The following EFNA5 variants were observed in gnomAD, a reference collection of about 807,000 sequenced individuals.
EFNA5 encodes ephrin-A5.
Under a neutral mutation model 22.9 loss-of-function variants are expected in EFNA5, and 5 were observed. The ratio of observed to expected loss-of-function variants is 0.22; its 90% CI spans 0.11 to 0.46. The LOEUF is 0.46. EFNA5 is among the 20% of genes least tolerant of loss of function. The probability of loss-of-function intolerance (pLI) is 0.99; values close to 1 mark genes in which losing one functional copy is unlikely to be tolerated. For missense variants in EFNA5, 237 were observed against 293.3 expected (o/e 0.81, Z 1.40); for synonymous variants, 113 against 112.2 (o/e 1.01, Z -0.04).
intron 1 of EFNA5, among the ~76,000 whole-genome samples, chr5:107,620,369 G>T (rs1025213989): frequency 1.3e-5 from 2 of 152,138 alleles, no homozygotes; most frequent in African/African-American, 4.8e-5. Context: ...AACTGATTGT[G>T]CATTTACATA....
intron 1 of EFNA5, among the ~76,000 whole-genome samples, chr5:107,661,523 G>A (rs1379909178): frequency 6.6e-6 from 1 of 152,210 alleles, no homozygotes; most frequent in Non-Finnish European, 1.5e-5. Flanking sequence ...TGCTGTGCAA[G>A]TCAGAGGTCA....
chr5:107,452,132 T>C (rs1029942363), intron 1 of EFNA5, among the ~76,000 whole-genome samples: 4 of 151,996 alleles, frequency 2.6e-5, no homozygotes, highest in African/African-American at 9.7e-5. Context: ...AAACAGCACA[T>C]ATTCTCACTC....
chr5:107,404,468 A>G lies in EFNA5; in HGVS notation c.419-16697T>C, dbSNP rs1441960888. On this transcript the variant is annotated intron_variant, in intron 2 of 4. Transcript: ENST00000333274. ...ACATCATCTCAGGATGTACAATACT[A>G]TTAATATTTTTATAACAGCTATCAA... is the stretch of plus-strand genomic sequence containing the variant. Among the ~76,000 whole-genome samples the G allele has an allele frequency of 2.0e-5, 3 of 152,320 alleles. No homozygotes were observed. In the East Asian group the frequency reaches 5.8e-4, roughly 29 times the overall value.
chr5:107,432,301 C>T (rs1748983336), intron 1 of EFNA5, among the ~76,000 whole-genome samples: 1 of 152,194 alleles, frequency 6.6e-6, no homozygotes, highest in African/African-American at 2.4e-5. Context: ...TGAGCTCTAG[C>T]TCATATTAAA....
rs180902622 is a variant in EFNA5 at position 107,393,475 on chromosome 5, G to A, written c.419-5704C>T. Among the ~76,000 whole-genome samples, 13 of 152,300 alleles carry A rather than the reference G, an allele frequency of 8.5e-5. No individual in the cohort carries two copies. The East Asian group carries it at 1.5e-3, about 18-fold the overall frequency. ...TTATTCAGCTTCAAATCTTAATTCT[G>A]AAAGCCAAAATCCTCCTTTTCTGTG... On this transcript the variant is annotated intron_variant, in intron 2 of 4. Transcript: ENST00000333274.
intron 1 of EFNA5, among the ~76,000 whole-genome samples, chr5:107,444,987 G>T (rs1373674783): frequency 2.0e-5 from 3 of 152,072 alleles, no homozygotes; most frequent in Non-Finnish European, 4.4e-5. Context: ...TGACATAAAA[G>T]CTGATAATCA....
At position 107,482,308 on chromosome 5, in the gene EFNA5, C is replaced by CAAAAAA. The variant is rs11400186; in HGVS notation, c.126-54805_126-54800dup. On this transcript the variant is annotated intron_variant, in intron 1 of 4. Coordinates refer to ENST00000333274, the MANE Select transcript of EFNA5 (RefSeq NM_001962.3). Reference sequence around the variant, plus strand: ...GTGACAAAATGAGTTGATCTTGTCTCAAAAAAAAAAAAAATGCTATTTTTG... The same window carrying CAAAAAA: ...GTGACAAAATGAGTTGATCTTGTCTCAAAAAAAAAAAAAAAAAAAATGCTATTTTTG... 3.6e-4 allele frequency among the ~76,000 whole-genome samples: 49 copies of CAAAAAA among 137,222 alleles called. 1 individual carries two copies. The East Asian group carries it at 1.0e-2, about 28-fold the overall frequency. The allele number at this position is 137,222 out of a possible 152,430, so 90.0% of individuals were successfully genotyped here. A position where few individuals can be genotyped will look rare whatever the true frequency, so the allele number is the denominator to read the frequency against.
At chr5:107,400,899 G>C (rs1030433496) in intron 2 of EFNA5, among the ~76,000 whole-genome samples, 1 of 152,206 alleles carries the variant, frequency 6.6e-6, no homozygotes, top group Non-Finnish European at 1.5e-5. Flanking sequence ...ACTGCTGCAA[G>C]CTTATTGAGA....
intron 1 of EFNA5, among the ~76,000 whole-genome samples, chr5:107,503,674 C>T (rs532537502): frequency 1.3e-5 from 2 of 152,252 alleles, no homozygotes; most frequent in African/African-American, 2.4e-5. Context: ...TGTAAAAGCA[C>T]TTAAATTATA....
chr5:107,557,673 G>GTTAGAGCCTCT (rs1748454151), intron 1 of EFNA5, among the ~76,000 whole-genome samples: 1 of 152,190 alleles, frequency 6.6e-6, no homozygotes, highest in Non-Finnish European at 1.5e-5. Context: ...TTTAAAAAGA[G>GTTAGAGCCTCT]GCTCTAATAT....
At chr5:107,396,408 G>C (rs1483617074) in intron 2 of EFNA5, among the ~76,000 whole-genome samples, 1 of 152,164 alleles carries the variant, frequency 6.6e-6, no homozygotes, top group African/African-American at 2.4e-5. Flanking sequence ...TAGAAACTCA[G>C]GTGATCCCTA....
chr5:107,580,292 G>T (rs1284851835), intron 1 of EFNA5, among the ~76,000 whole-genome samples: 2 of 152,014 alleles, frequency 1.3e-5, no homozygotes, highest in East Asian at 3.9e-4. Flanking sequence ...TAAAAATTAG[G>T]AACATTTGCA....
At chr5:107,448,294 C>T (rs1283119243) in intron 1 of EFNA5, among the ~76,000 whole-genome samples, 1 of 152,192 alleles carries the variant, frequency 6.6e-6, no homozygotes, top group African/African-American at 2.4e-5. Context: ...TTCCTTACTC[C>T]CTGGCACCTG....
At chr5:107,582,145 A>C (rs1406470843) in intron 1 of EFNA5, among the ~76,000 whole-genome samples, 1 of 152,228 alleles carries the variant, frequency 6.6e-6, no homozygotes, top group African/African-American at 2.4e-5. Context: ...AATTGTTAGT[A>C]ACTCTAATAG....
chr5:107,439,713 T>C (rs1340598642), intron 1 of EFNA5, among the ~76,000 whole-genome samples: 2 of 151,780 alleles, frequency 1.3e-5, no homozygotes, highest in Non-Finnish European at 2.9e-5. Context: ...AATTAACTCA[T>C]GGCACTACAA....
intron 1 of EFNA5, among the ~76,000 whole-genome samples, chr5:107,570,069 T>C (rs1375131026): frequency 6.6e-6 from 1 of 152,168 alleles, no homozygotes; most frequent in African/African-American, 2.4e-5. Context: ...AAGCTGGCTG[T>C]ATCTGTTTAA....
chr5:107,458,890 G>C (rs539881706), intron 1 of EFNA5, among the ~76,000 whole-genome samples: 1 of 152,082 alleles, frequency 6.6e-6, no homozygotes, highest in African/African-American at 2.4e-5. Flanking sequence ...AAAACTTCAG[G>C]ATATTGCTGA....
chr5:107,498,362 C>T (rs1220799890), intron 1 of EFNA5, among the ~76,000 whole-genome samples: 1 of 152,184 alleles, frequency 6.6e-6, no homozygotes, highest in African/African-American at 2.4e-5. Flanking sequence ...GGAAACACTA[C>T]ACAACTAACT....
chr5:107,634,927 A>G (rs538062268), intron 1 of EFNA5, among the ~76,000 whole-genome samples: 6 of 152,334 alleles, frequency 3.9e-5, no homozygotes, highest in African/African-American at 1.2e-4. Flanking sequence ...CTTAAAATAT[A>G]CGAAATTCAA....
Sources: allele counts gnomAD v4.1 joint callset (sites outside exome capture counted in the v4.1 genomes callset), GRCh38; gene constraint gnomAD v4.1.1; transcripts MANE v1.5; gene names NCBI Gene and HGNC (gene_info 2026-07-23, HGNC 2026-07-21).